SIRT1: variants seen among roughly 807,000 people sequenced by gnomAD.
SIRT1 encodes NAD-dependent protein deacetylase sirtuin-1.
SIRT1 carries 24 observed loss-of-function variants against 67.9 expected under a neutral mutation model. The observed-to-expected ratio is 0.35, with a 90% CI of 0.26 to 0.50. The LOEUF (loss-of-function observed/expected upper bound fraction) is 0.50, where lower values mean the gene tolerates loss of function less well. Among genes scored for constraint, SIRT1 ranks in the 20% least tolerant of loss-of-function variants. SIRT1 has a pLI of 0.98. For synonymous variants in SIRT1, 378 were observed against 350.7 expected (o/e 1.08, Z -0.87); for missense variants, 873 against 937.2 (o/e 0.93, Z 0.89).
rs1451930340 is a variant in SIRT1 at position 67,913,015 on chromosome 10, T to G, written c.1899T>G (p.Ile633Met). ...CTAATAGAGTGGCAAAGGAGCAGAT[T>G]AGTAGGCGGCTTGATGGTAAGAAAG... is the stretch of plus-strand genomic sequence containing the variant. The part of the protein sequence containing the change: ...CWPNRVAKEQ[I>M]SRRLDGNQYL... The change falls in exon 8 of 9, where the codon ATT (isoleucine) becomes ATG (methionine). Residue 633 changes from isoleucine (I) to methionine (M), a missense_variant. By Grantham distance (10) the Ile-to-Met change is conservative. Transcript: ENST00000212015. The G allele has an allele frequency of 6.3e-6, 10 of 1,599,128 alleles. No individual in the cohort carries two copies. Among genetic ancestry groups the G allele is most frequent in the Non-Finnish European group, 8.5e-6 (10 of 1,175,256 alleles).
chr10:67,901,450 G>A (rs182061636), intron 4 of SIRT1, among the ~76,000 whole-genome samples: 121 of 152,192 alleles, frequency 8.0e-4, no homozygotes, highest in African/African-American at 2.6e-3. Flanking sequence ...CATCTGCATC[G>A]GGGTATATGT....
chr10:67,896,155 TC>T (rs1156883160), intron 4 of SIRT1, among the ~76,000 whole-genome samples: 4 of 152,178 alleles, frequency 2.6e-5, no homozygotes, highest in Non-Finnish European at 5.9e-5. Context: ...GCTGGATTTT[TC>T]TTTTTGTTTC....
chr10:67,899,205 C>A (rs1439311256), intron 4 of SIRT1, among the ~76,000 whole-genome samples: 2 of 151,780 alleles, frequency 1.3e-5, no homozygotes, highest in Non-Finnish European at 2.9e-5. Context: ...TGCCTGTAAT[C>A]CGAGCACTTT....
intron 7 of SIRT1, 35 bp from the exon 8 acceptor site, chr10:67,912,439 C>T (rs1168477300): frequency 1.3e-6 from 2 of 1,534,388 alleles, no homozygotes; most frequent in Non-Finnish European, 8.8e-7. Context: ...CTTCCTCCTC[C>T]CTTTTTCTAA....
intron 4 of SIRT1, among the ~76,000 whole-genome samples, chr10:67,892,868 CTGGGA>C (rs1258679994): frequency 6.6e-6 from 1 of 152,156 alleles, no homozygotes; most frequent in Non-Finnish European, 1.5e-5. Context: ...TCCCAAGGCT[CTGGGA>C]TTATAGGCGT....
intron 4 of SIRT1, among the ~76,000 whole-genome samples, chr10:67,901,890 T>C (rs904475464): frequency 6.6e-6 from 1 of 152,266 alleles, no homozygotes; most frequent in Admixed American, 6.5e-5. Context: ...ATGGAATGGC[T>C]AACTCAAGCT....
In SIRT1 at chr10:67,909,226, C is replaced by T. The variant is rs763691076; in HGVS notation, c.1171-30C>T. On this transcript the variant is annotated intron_variant, in intron 6 of 8. Coordinates refer to ENST00000212015, the MANE Select transcript of SIRT1 (RefSeq NM_012238.5). ...TAACTTGGGCTTACTCTTTGCTTCT[C>T]TACCTCAACCAAAATCTGAAAATAT... The T allele has an allele frequency of 9.8e-6, 15 of 1,535,608 alleles. No homozygotes were observed. The East Asian group carries it at 3.0e-4, about 31-fold the overall frequency.
rs199609232 is a variant in SIRT1 at position 67,884,660 on chromosome 10, G to C, written c.-62G>C. On this transcript the variant is annotated 5_prime_UTR_variant, in exon 1 of 9. Transcript: ENST00000212015. ...CGCAGCCGGAGCCGCGGGGGCGCCAGTGCCGCGCGTCGAGCGGGAGCAGAG... is the reference window on the plus strand; with the variant it reads ...CGCAGCCGGAGCCGCGGGGGCGCCACTGCCGCGCGTCGAGCGGGAGCAGAG... 3.3e-5 allele frequency: 41 copies of C among 1,223,902 alleles called. No homozygotes were observed. Among genetic ancestry groups the C allele is most frequent in the Non-Finnish European group, 4.0e-5 (39 of 983,124 alleles). The allele number at this position is 1,223,902 out of a possible 1,614,324, so 75.8% of individuals were successfully genotyped here.
At chr10:67,907,505 A>AG (rs1270059420) in intron 5 of SIRT1, among the ~76,000 whole-genome samples, 2 of 148,450 alleles carry the variant, frequency 1.3e-5, no homozygotes, top group Middle Eastern at 3.4e-3. Context: ...AAAAAAAAAA[A>AG]AAAGAAAAAG....
chr10:67,902,720 T>G lies in SIRT1; in HGVS notation c.943-4070T>G, dbSNP rs553012728. On this transcript the variant is annotated intron_variant, in intron 4 of 8. Transcript: ENST00000212015. Reference sequence around the variant, plus strand: ...TCTACTTAACTGCCTCCATCTGAACTATATATAGGAGGGGGTGGATATCAG... The same window carrying G: ...TCTACTTAACTGCCTCCATCTGAACGATATATAGGAGGGGGTGGATATCAG... 8.7e-4 allele frequency among the ~76,000 whole-genome samples: 133 copies of G among 152,312 alleles called. 1 individual carries two copies. Among genetic ancestry groups the G allele is most frequent in the African/African-American group, 3.1e-3 (128 of 41,586 alleles).
chr10:67,900,587 G>A (rs1161713352), intron 4 of SIRT1, among the ~76,000 whole-genome samples: 5 of 152,042 alleles, frequency 3.3e-5, no homozygotes, highest in African/African-American at 1.2e-4. Context: ...TAGTACTACA[G>A]GTGTGCACCA....
intron 3 of SIRT1, among the ~76,000 whole-genome samples, chr10:67,890,771 C>T (rs1324839900): frequency 2.0e-5 from 3 of 151,044 alleles, no homozygotes; most frequent in Non-Finnish European, 4.4e-5. Context: ...TGGCTCACAC[C>T]TGTAATCCCA....
At position 67,888,039 on chromosome 10, in the gene SIRT1, C is replaced by A. The variant is rs75795785; in HGVS notation, c.547+506C>A. On this transcript the variant is annotated intron_variant, in intron 2 of 8. Transcript: ENST00000212015. Reference sequence around the variant, plus strand: ...TGTTTCCTGGTCTAGAATATAAGTTCTACGGGAGCAGGAATTTTTGACTGA... The same window carrying A: ...TGTTTCCTGGTCTAGAATATAAGTTATACGGGAGCAGGAATTTTTGACTGA... 6.1e-3 allele frequency among the ~76,000 whole-genome samples: 929 copies of A among 152,266 alleles called. 13 individuals carry two copies. Among genetic ancestry groups the A allele is most frequent in the African/African-American group, 0.021 (865 of 41,548 alleles).
At chr10:67,900,678 G>C (rs1229825059) in intron 4 of SIRT1, among the ~76,000 whole-genome samples, 2 of 151,984 alleles carry the variant, frequency 1.3e-5, no homozygotes, top group Non-Finnish European at 2.9e-5. Context: ...TCCTGAGCTC[G>C]AGTGATTCTG....
chr10:67,911,072 T>C (rs2131887064), intron 7 of SIRT1, among the ~76,000 whole-genome samples: 1 of 152,340 alleles, frequency 6.6e-6, no homozygotes, highest in South Asian at 2.1e-4. Flanking sequence ...AGCTGTGAAA[T>C]TCTGTTAAAG....
chr10:67,905,672 G>C (rs945701647), intron 4 of SIRT1, among the ~76,000 whole-genome samples: 1 of 152,146 alleles, frequency 6.6e-6, no homozygotes, highest in African/African-American at 2.4e-5. Context: ...CTTACAGCCT[G>C]TTTGTATCCT....
rs75537218 is a variant in SIRT1 at position 67,910,623 on chromosome 10, A to G, written c.1357+1181A>G. Among the ~76,000 whole-genome samples the G allele has an allele frequency of 4.7e-3, 720 of 152,314 alleles. 4 individuals carry two copies. The highest frequency in any genetic ancestry group is 0.017 in the African/African-American group (695 of 41,558). On this transcript the variant is annotated intron_variant, in intron 7 of 8. Transcript: ENST00000212015. ...ATGTATAGTTTGGTAGAAGTGTAACATACCATGTAAGATGGAATTTGGGGG... is the reference window on the plus strand; with the variant it reads ...ATGTATAGTTTGGTAGAAGTGTAACGTACCATGTAAGATGGAATTTGGGGG...
chr10:67,892,542 C>G (rs896979296), intron 4 of SIRT1, among the ~76,000 whole-genome samples: 1 of 152,178 alleles, frequency 6.6e-6, no homozygotes, highest in African/African-American at 2.4e-5. Flanking sequence ...TTGCACTCCA[C>G]CCTGGGCAAC....
chr10:67,916,219 T>C lies in SIRT1; in HGVS notation c.1916-46T>C, dbSNP rs1250467383. On this transcript the variant is annotated intron_variant, in intron 8 of 8. Coordinates refer to ENST00000212015, the MANE Select transcript of SIRT1 (RefSeq NM_012238.5). ...TTCATTCCAGACTGCTCAGACTGAG[T>C]TAGTGTTAGAAAACTGAAAGTAACA... 2.6e-6 allele frequency: 4 copies of C among 1,509,718 alleles called. No individual in the cohort carries two copies. The African/African-American group carries it at 4.1e-5, about 16-fold the overall frequency. The allele number at this position is 1,509,718 out of a possible 1,614,324, so 93.5% of individuals were successfully genotyped here.
Sources: gnomAD v4.1 joint callset for allele counts (sites outside exome capture counted in the v4.1 genomes callset) on GRCh38, gnomAD v4.1.1 for gene constraint, MANE v1.5 for transcripts, NCBI Gene and HGNC (gene_info 2026-07-23, HGNC 2026-07-21) for gene names.